The following SMCO4 variants were observed in gnomAD, a reference collection of about 807,000 sequenced individuals.
SMCO4 encodes single-pass membrane protein with coiled-coil domains 4.
SMCO4 carries 4 observed loss-of-function variants against 3.6 expected under a neutral mutation model. The ratio of observed to expected loss-of-function variants is 1.11; its 90% CI spans 0.54 to 2.53. The LOEUF (loss-of-function observed/expected upper bound fraction) is 2.53. Ranked by LOEUF, SMCO4 falls within the 30% of genes most tolerant of loss-of-function variation. The probability of loss-of-function intolerance (pLI) is 0.02; values close to 1 mark genes in which losing one functional copy is unlikely to be tolerated. For synonymous variants in SMCO4, 36 were observed against 35.3 expected (o/e 1.02, Z -0.07); for missense variants, 70 against 80.8 (o/e 0.87, Z 0.51).
chr11:93,506,161 C>G (rs1161569624), intron 1 of SMCO4, among the ~76,000 whole-genome samples: 2 of 151,982 alleles, frequency 1.3e-5, no homozygotes, highest in Non-Finnish European at 1.5e-5. Flanking sequence ...ATGAATGTTC[C>G]GGGTAGAGGG....
intron 1 of SMCO4, among the ~76,000 whole-genome samples, chr11:93,514,395 T>TAG (rs1454935943): frequency 6.9e-4 from 27 of 39,316 alleles, no homozygotes; most frequent in African/African-American, 3.0e-3. Flanking sequence ...TATATATATA[T>TAG]ATATATATAT....
chr11:93,483,788 C>T (rs1018132819), intron 2 of SMCO4, among the ~76,000 whole-genome samples: 7 of 152,350 alleles, frequency 4.6e-5, no homozygotes, highest in African/African-American at 1.7e-4. Flanking sequence ...AAAGAAAGGA[C>T]TGGCAGAGTC....
intron 1 of SMCO4, among the ~76,000 whole-genome samples, chr11:93,515,228 C>A (rs530837602): frequency 6.6e-6 from 1 of 152,106 alleles, no homozygotes; most frequent in African/African-American, 2.4e-5. Context: ...AAAAGTGGAG[C>A]GCGTTATTGG....
At chr11:93,510,238 G>T (rs1446299870) in intron 1 of SMCO4, among the ~76,000 whole-genome samples, 1 of 152,184 alleles carries the variant, frequency 6.6e-6, no homozygotes, top group East Asian at 1.9e-4. Context: ...GGCCAAAGTG[G>T]GACCTACAGT....
At chr11:93,509,183 C>A (rs938042097) in intron 1 of SMCO4, among the ~76,000 whole-genome samples, 50 of 151,886 alleles carry the variant, frequency 3.3e-4, no homozygotes, top group African/African-American at 1.1e-3. Context: ...CTCAGATACT[C>A]GGGAGGCCAA....
intron 1 of SMCO4, among the ~76,000 whole-genome samples, chr11:93,505,079 T>C (rs1445862134): frequency 6.6e-6 from 1 of 152,232 alleles, no homozygotes; most frequent in Non-Finnish European, 1.5e-5. Flanking sequence ...TAACAGATCA[T>C]GTCTTCAACA....
upstream of SMCO4, among the ~76,000 whole-genome samples, chr11:93,543,768 C>T (rs144242399): frequency 6.6e-6 from 1 of 152,328 alleles, no homozygotes; most frequent in East Asian, 1.9e-4. Flanking sequence ...TTCTCTCCTC[C>T]AGGGCAAGGT....
At chr11:93,532,015 T>C (rs1949167576) in intron 1 of SMCO4, among the ~76,000 whole-genome samples, 1 of 152,216 alleles carries the variant, frequency 6.6e-6, no homozygotes, top group Non-Finnish European at 1.5e-5. Context: ...GATTGTCTCA[T>C]ATCTCCCTAA....
At chr11:93,489,903 T>C (rs1212632338) in intron 2 of SMCO4, among the ~76,000 whole-genome samples, 1 of 152,216 alleles carries the variant, frequency 6.6e-6, no homozygotes, top group Non-Finnish European at 1.5e-5. Flanking sequence ...TTGGAGGTAT[T>C]GTCACATCCC....
intron 1 of SMCO4, among the ~76,000 whole-genome samples, chr11:93,532,148 C>G (rs1949168849): frequency 6.8e-6 from 1 of 146,170 alleles, no homozygotes; most frequent in South Asian, 2.2e-4. Context: ...CTGATTGAGA[C>G]CTGTCTCAGA....
In SMCO4 at chr11:93,492,569, G is replaced by A. The variant is rs1591306875; in HGVS notation, c.-81+6707C>T. Reference sequence around the variant, plus strand: ...GGTGGGAGACGTGATTTAACCCAGAGAGCATTACAAGGGACTGCCTCTGTG... The same window carrying A: ...GGTGGGAGACGTGATTTAACCCAGAAAGCATTACAAGGGACTGCCTCTGTG... On this transcript the variant is annotated intron_variant, in intron 2 of 2. Coordinates refer to ENST00000298966, the MANE Select transcript of SMCO4 (RefSeq NM_020179.3). Among the ~76,000 whole-genome samples, 4 of 152,214 alleles carry A rather than the reference G, an allele frequency of 2.6e-5. No homozygotes were observed. The South Asian group carries it at 8.3e-4, about 32-fold the overall frequency.
chr11:93,543,864 G>A (rs113185510), upstream of SMCO4, among the ~76,000 whole-genome samples: 1 of 152,330 alleles, frequency 6.6e-6, no homozygotes, highest in African/African-American at 2.4e-5. Context: ...GACTTTTACC[G>A]CTGTCTACCC....
upstream of SMCO4, among the ~76,000 whole-genome samples, chr11:93,547,716 C>A (rs1949324148): frequency 6.6e-6 from 1 of 152,128 alleles, no homozygotes; most frequent in African/African-American, 2.4e-5. Flanking sequence ...TGTGAGTCTT[C>A]TGACTTAATC....
intron 2 of SMCO4, among the ~76,000 whole-genome samples, chr11:93,484,446 C>T (rs1948625413): frequency 6.6e-6 from 1 of 152,134 alleles, no homozygotes; most frequent in South Asian, 2.1e-4. Flanking sequence ...TAGCTCTGCC[C>T]CATCTGGTTA....
chr11:93,551,038 A>T, the SMCO4 span, among the ~76,000 whole-genome samples: 15 of 152,282 alleles, frequency 9.9e-5, no homozygotes, highest in East Asian at 2.9e-3. Flanking sequence ...CTCTTCAATC[A>T]CTTCACATGT....
At chr11:93,491,569 T>G (rs1948717864) in intron 2 of SMCO4, among the ~76,000 whole-genome samples, 2 of 152,206 alleles carry the variant, frequency 1.3e-5, no homozygotes, top group South Asian at 4.1e-4. Flanking sequence ...TCAGGACCAC[T>G]AGGCAAGTAA....
intron 1 of SMCO4, among the ~76,000 whole-genome samples, chr11:93,505,728 G>A (rs1259588672): frequency 6.6e-6 from 1 of 152,066 alleles, no homozygotes; most frequent in African/African-American, 2.4e-5. Flanking sequence ...CCCAAATCTA[G>A]CTGACCACAG....
chr11:93,506,741 T>A (rs7114771), intron 1 of SMCO4, among the ~76,000 whole-genome samples: 1 of 152,190 alleles, frequency 6.6e-6, no homozygotes, highest in Non-Finnish European at 1.5e-5. Flanking sequence ...ACGCCTGTCC[T>A]TAGCTAAGCG....
In SMCO4 at chr11:93,532,285, G is replaced by T. The variant is rs751313260; in HGVS notation, c.-154+10991C>A. Among the ~76,000 whole-genome samples the T allele has an allele frequency of 4.4e-4, 67 of 152,214 alleles. 2 individuals are homozygous for T. The highest frequency in any genetic ancestry group is 3.9e-4 in the Admixed American group (6 of 15,282). ...AGATGTCAACTTGACTGAACTAAAA[G>T]ATATCCAGATAGCTAGTAAAGTACT... is the stretch of plus-strand genomic sequence containing the variant. On this transcript the variant is annotated intron_variant, in intron 1 of 2. Coordinates refer to ENST00000298966, the MANE Select transcript of SMCO4 (RefSeq NM_020179.3).
Sources: allele counts gnomAD v4.1 joint callset (sites outside exome capture counted in the v4.1 genomes callset), GRCh38; gene constraint gnomAD v4.1.1; transcripts MANE v1.5; gene names NCBI Gene and HGNC (gene_info 2026-07-23, HGNC 2026-07-21).